The following TENM2 variants were observed in gnomAD, a reference collection of about 807,000 sequenced individuals.
The protein encoded by TENM2 is teneurin-2.
Under a neutral mutation model 245.2 loss-of-function variants are expected in TENM2, and 52 were observed. The ratio of observed to expected loss-of-function variants is 0.21; its 90% CI spans 0.17 to 0.27. The LOEUF (loss-of-function observed/expected upper bound fraction) is 0.27, where lower values mean the gene tolerates loss of function less well. Among genes scored for constraint, TENM2 ranks in the 10% least tolerant of loss-of-function variants. The pLI is 1.00. For synonymous variants in TENM2, 1,363 were observed against 1,438.9 expected, an observed-to-expected ratio of 0.95 and a Z score of 1.19; for missense variants, 3,046 against 3,666.8, an observed-to-expected ratio of 0.83 and a Z score of 4.37.
intron 2 of TENM2, among the ~76,000 whole-genome samples, chr5:167,708,813 G>A (rs1758710975): frequency 6.6e-6 from 1 of 152,130 alleles, no homozygotes. Flanking sequence ...TACTATATAT[G>A]TTAAAGTTTT....
chr5:167,605,485 A>C (rs1239558424), intron 2 of TENM2, among the ~76,000 whole-genome samples: 1 of 152,172 alleles, frequency 6.6e-6, no homozygotes, highest in East Asian at 1.9e-4. Flanking sequence ...TCTCTGTTTA[A>C]ATATAGTCTT....
At chr5:167,501,798 G>A (rs895504541) in intron 2 of TENM2, among the ~76,000 whole-genome samples, 4 of 152,084 alleles carry the variant, frequency 2.6e-5, no homozygotes, top group Non-Finnish European at 5.9e-5. Flanking sequence ...TTTTTTGGTG[G>A]CAGTCTTAGA....
chr5:167,300,543 G>A (rs1051205267), intron 1 of TENM2, among the ~76,000 whole-genome samples: 23 of 152,284 alleles, frequency 1.5e-4, no homozygotes, highest in African/African-American at 4.6e-4. Flanking sequence ...TGGGGGAATT[G>A]TAATGAGAGT....
At chr5:167,019,411 G>C in the TENM2 span, among the ~76,000 whole-genome samples, 2 of 152,112 alleles carry the variant, frequency 1.3e-5, no homozygotes, top group African/African-American at 4.8e-5. Context: ...TTGGCAATTT[G>C]GACCTGTTCA....
the TENM2 span, among the ~76,000 whole-genome samples, chr5:167,067,482 A>C: frequency 6.6e-6 from 1 of 152,174 alleles, no homozygotes; most frequent in Non-Finnish European, 1.5e-5. Flanking sequence ...TGGATGAAAG[A>C]GAGGGTGAGT....
chr5:167,324,540 G>A (rs574483611), intron 1 of TENM2, among the ~76,000 whole-genome samples: 1 of 152,156 alleles, frequency 6.6e-6, no homozygotes, highest in African/African-American at 2.4e-5. Flanking sequence ...CTGCAAATGT[G>A]AGAGTGTGTG....
chr5:167,622,964 G>A (rs947059434), intron 2 of TENM2, among the ~76,000 whole-genome samples: 1 of 152,086 alleles, frequency 6.6e-6, no homozygotes, highest in African/African-American at 2.4e-5. Flanking sequence ...ACAATGTATA[G>A]TTGTCTGTAC....
In TENM2 at chr5:167,876,209, G is replaced by A. The variant is rs749105638; in HGVS notation, c.712+14G>A. ...CCTCCAGCAGTGGTAAGGAAACTCCGTGGTGTCTGAATGTGTGGTGTTTCG... is the reference window on the plus strand; with the variant it reads ...CCTCCAGCAGTGGTAAGGAAACTCCATGGTGTCTGAATGTGTGGTGTTTCG... On this transcript the variant is annotated intron_variant, in intron 3 of 28. Coordinates refer to ENST00000518659, the Ensembl canonical transcript of TENM2. The A allele has an allele frequency of 1.5e-4, 224 of 1,541,350 alleles. No individual in the cohort carries two copies. The highest frequency in any genetic ancestry group is 1.2e-4 in the Admixed American group (6 of 50,956).
At position 168,247,401 on chromosome 5, in the gene TENM2, C is replaced by T. The variant is rs369031454; in HGVS notation, c.6462C>T (p.Phe2154=). 3.1e-5 allele frequency: 50 copies of T among 1,613,834 alleles called. No individual in the cohort carries two copies. Among genetic ancestry groups the T allele is most frequent in the Admixed American group, 6.7e-5 (4 of 60,000 alleles). The change falls in exon 27 of 29, where the codon TTC becomes TTT. Residue 2154 remains phenylalanine, a synonymous_variant. Coordinates refer to ENST00000518659, the Ensembl canonical transcript of TENM2. This position sits in a 1 kb window ranked among gnomAD's most constrained non-coding sequence, Gnocchi z 7.8. The stretch of plus-strand genomic sequence containing the variant: ...CCGTGATGACCCTCAGCAAACACTT[C>T]GACACCCATGGGCGGATCAAGGAGG...
At chr5:167,141,340 G>A in the TENM2 span, among the ~76,000 whole-genome samples, 1 of 152,192 alleles carries the variant, frequency 6.6e-6, no homozygotes, top group East Asian at 1.9e-4. Context: ...GGAAATGATT[G>A]TGTAGGGCTT....
intron 1 of TENM2, among the ~76,000 whole-genome samples, chr5:167,360,239 A>T (rs1759624411): frequency 6.6e-6 from 1 of 152,190 alleles, no homozygotes; most frequent in Admixed American, 6.5e-5. Context: ...GTATCGCCCT[A>T]AAAAAGGTGT....
At chr5:167,027,849 C>T in the TENM2 span, among the ~76,000 whole-genome samples, 20 of 151,968 alleles carry the variant, frequency 1.3e-4, no homozygotes, top group Non-Finnish European at 2.4e-4. Flanking sequence ...GAGGCCGAGG[C>T]AGGTGGATCA....
chr5:167,845,475 G>A (rs1435076018), intron 2 of TENM2, among the ~76,000 whole-genome samples: 1 of 152,120 alleles, frequency 6.6e-6, no homozygotes, highest in African/African-American at 2.4e-5. Context: ...TGTCTAAGAG[G>A]AAGATCCAGA....
intron 2 of TENM2, among the ~76,000 whole-genome samples, chr5:167,594,898 A>G (rs1776101066): frequency 1.3e-5 from 2 of 152,212 alleles, no homozygotes; most frequent in African/African-American, 4.8e-5. Flanking sequence ...TTAGGAAGTG[A>G]AAGGTTGATT....
At chr5:168,118,050 A>G (rs533804522) in intron 9 of TENM2, among the ~76,000 whole-genome samples, 1 of 152,372 alleles carries the variant, frequency 6.6e-6, no homozygotes, top group Non-Finnish European at 1.5e-5. Flanking sequence ...TGAATTGCAC[A>G]TAAAGCCTTC....
At chr5:167,862,737 G>A (rs373323802) in intron 2 of TENM2, among the ~76,000 whole-genome samples, 57 of 152,322 alleles carry the variant, frequency 3.7e-4, no homozygotes, top group Middle Eastern at 6.8e-3. Context: ...TGACCTTGAC[G>A]AAGAAAGTAA....
the TENM2 span, among the ~76,000 whole-genome samples, chr5:167,192,515 G>A: frequency 4.5e-4 from 69 of 152,146 alleles, no homozygotes; most frequent in African/African-American, 1.6e-3. Flanking sequence ...AACAGGGCAA[G>A]AGGGCCAAGA....
the TENM2 span, among the ~76,000 whole-genome samples, chr5:167,060,648 CTCAAA>C: frequency 9.4e-6 from 1 of 106,298 alleles, no homozygotes; most frequent in African/African-American, 3.6e-5. Context: ...AAGACCTTCT[CTCAAA>C]AAAAAAAAAA....
chr5:167,329,413 G>A (rs1485160351), intron 1 of TENM2, among the ~76,000 whole-genome samples: 1 of 150,330 alleles, frequency 6.7e-6, no homozygotes, highest in Non-Finnish European at 1.5e-5. Flanking sequence ...ATAGCCTGGC[G>A]TGGTGGCAGG....
Sources: gnomAD v4.1 joint callset for allele counts (sites outside exome capture counted in the v4.1 genomes callset) on GRCh38, gnomAD v4.1.1 for gene constraint, Gnocchi (gnomAD v3.1) non-coding constraint, MANE v1.5 for transcripts, NCBI Gene and HGNC (gene_info 2026-07-23, HGNC 2026-07-21) for gene names.